The following WDR70 variants were observed in gnomAD, a reference collection of about 807,000 sequenced individuals.
WDR70 encodes the protein WD repeat-containing protein 70.
In WDR70, 53 loss-of-function variants were observed where a neutral mutation model predicts 88.6. The observed-to-expected ratio is 0.60, with a 90% CI of 0.48 to 0.75. WDR70 has a LOEUF of 0.75. Among genes scored for constraint, WDR70 ranks in the 30% least tolerant of loss-of-function variants. WDR70 has a pLI of 0.00. For synonymous variants in WDR70, 280 were observed against 270.0 expected, an observed-to-expected ratio of 1.04 and a Z score of -0.36; for missense variants, 610 against 823.2, an observed-to-expected ratio of 0.74 and a Z score of 3.17.
chr5:37,482,148 T>G (rs4618453), intron 8 of WDR70, among the ~76,000 whole-genome samples: 40,498 of 152,020 alleles, frequency 0.27, 5,894 homozygotes, highest in East Asian at 0.48. Context: ...CTTTCCCACA[T>G]TTTCCTATCC....
intron 9 of WDR70, among the ~76,000 whole-genome samples, chr5:37,557,957 A>ACTCTTTTGAAAACTCTTCAAAAGAGTAC: frequency 1.1e-3 from 150 of 139,296 alleles, no homozygotes; most frequent in African/African-American, 1.4e-3. Context: ...TCAAAAGAGT[A>ACTCTTTTGAAAACTCTTCAAAAGAGTAC]TTATGTATAT....
intron 7 of WDR70, among the ~76,000 whole-genome samples, chr5:37,461,122 A>G (rs113459808): frequency 6.7e-6 from 1 of 149,448 alleles, no homozygotes; most frequent in Non-Finnish European, 1.5e-5. Flanking sequence ...AAAAAAAAAA[A>G]AAATAAAGGG....
chr5:37,603,038 A>G (rs1359289655), intron 9 of WDR70, among the ~76,000 whole-genome samples: 2 of 152,212 alleles, frequency 1.3e-5, no homozygotes, highest in African/African-American at 4.8e-5. Flanking sequence ...TCCATGGATT[A>G]GAAAAATTAA....
intron 9 of WDR70, among the ~76,000 whole-genome samples, chr5:37,539,654 A>G (rs1444864248): frequency 1.3e-5 from 2 of 152,214 alleles, no homozygotes; most frequent in East Asian, 3.8e-4. Flanking sequence ...GCACACATGT[A>G]CAAACCTGTG....
chr5:37,752,681 G>C lies in WDR70; in HGVS notation c.*108G>C. 1 of 858,706 alleles carries C rather than the reference G, an allele frequency of 1.2e-6. No individual in the cohort carries two copies. The highest frequency in any genetic ancestry group is 1.8e-6 in the Non-Finnish European group (1 of 549,688). The allele number at this position is 858,706 out of a possible 1,614,324, so 53.2% of individuals were successfully genotyped here. ...AAATTCATTTTTATGAACAGGTTTT[G>C]TCCTTTGCATTATTGAACTGGTCAA... On this transcript the variant is annotated 3_prime_UTR_variant, in exon 18 of 18. Coordinates refer to ENST00000265107, the MANE Select transcript of WDR70 (RefSeq NM_018034.4).
At chr5:37,600,559 C>T (rs901535179) in intron 9 of WDR70, among the ~76,000 whole-genome samples, 1 of 145,618 alleles carries the variant, frequency 6.9e-6, no homozygotes, top group African/African-American at 2.5e-5. Context: ...ATCTAGAATT[C>T]AATAAAATGA....
At chr5:37,730,244 A>G (rs562588690) in intron 17 of WDR70, among the ~76,000 whole-genome samples, 2 of 152,290 alleles carry the variant, frequency 1.3e-5, no homozygotes, top group South Asian at 2.1e-4. Context: ...ACATTTTAGT[A>G]TGAAATTTAA....
At chr5:37,389,296 CGA>C (rs1748734638) in intron 3 of WDR70, among the ~76,000 whole-genome samples, 1 of 141,702 alleles carries the variant, frequency 7.1e-6, no homozygotes, top group African/African-American at 3.1e-5. Context: ...TTTCACCTGT[CGA>C]GACCAGGCTG....
intron 10 of WDR70, among the ~76,000 whole-genome samples, chr5:37,622,458 C>G (rs1431590463): frequency 3.3e-5 from 5 of 151,908 alleles, no homozygotes; most frequent in African/African-American, 9.7e-5. Context: ...TTTATTGCAG[C>G]ACTATTCACA....
intron 9 of WDR70, among the ~76,000 whole-genome samples, chr5:37,587,036 C>A (rs1000552400): frequency 6.6e-6 from 1 of 152,144 alleles, no homozygotes; most frequent in African/African-American, 2.4e-5. Flanking sequence ...GTTTTCTCCT[C>A]ACTTTCCCTG....
At chr5:37,606,912 C>A (rs1327089430) in intron 10 of WDR70, among the ~76,000 whole-genome samples, 2 of 74,782 alleles carry the variant, frequency 2.7e-5, no homozygotes, top group Non-Finnish European at 5.2e-5. Flanking sequence ...CCTCCCCTCC[C>A]CTCCCCTCCC....
chr5:37,622,540 C>T (rs891278437), intron 10 of WDR70, among the ~76,000 whole-genome samples: 3 of 152,160 alleles, frequency 2.0e-5, no homozygotes, highest in Non-Finnish European at 4.4e-5. Context: ...GGCACATATA[C>T]ACCATGGAAT....
At chr5:37,661,239 G>A (rs879462478) in intron 10 of WDR70, among the ~76,000 whole-genome samples, 2 of 152,242 alleles carry the variant, frequency 1.3e-5, no homozygotes, top group African/African-American at 4.8e-5. Flanking sequence ...ACATAGGAGG[G>A]TTTACTGCCC....
At chr5:37,445,474 T>C (rs923970148) in intron 7 of WDR70, among the ~76,000 whole-genome samples, 2 of 152,170 alleles carry the variant, frequency 1.3e-5, no homozygotes, top group Non-Finnish European at 2.9e-5. Flanking sequence ...AACTTTTCCA[T>C]TGATGTTCAT....
chr5:37,579,707 T>C (rs900453654), intron 9 of WDR70, among the ~76,000 whole-genome samples: 3 of 152,204 alleles, frequency 2.0e-5, no homozygotes, highest in Non-Finnish European at 4.4e-5. Context: ...TCTGTTCTGT[T>C]ATTGTGAATA....
At chr5:37,629,887 G>T (rs1318720957) in intron 10 of WDR70, among the ~76,000 whole-genome samples, 3 of 152,008 alleles carry the variant, frequency 2.0e-5, no homozygotes, top group Non-Finnish European at 2.9e-5. Context: ...GAATCTGGTG[G>T]TCGCCTCTTC....
At chr5:37,404,722 A>G (rs1249100258) in intron 5 of WDR70, among the ~76,000 whole-genome samples, 1 of 152,116 alleles carries the variant, frequency 6.6e-6, no homozygotes, top group Non-Finnish European at 1.5e-5. Flanking sequence ...AATTTAATTA[A>G]TTTATTTTTC....
At chr5:37,421,150 A>G (rs1749934063) in intron 5 of WDR70, among the ~76,000 whole-genome samples, 2 of 152,124 alleles carry the variant, frequency 1.3e-5, no homozygotes, top group Admixed American at 6.6e-5. Flanking sequence ...CGCAGTGGTA[A>G]ATGGCGGAGT....
At chr5:37,532,945 A>G (rs1375861239) in intron 9 of WDR70, among the ~76,000 whole-genome samples, 1 of 152,106 alleles carries the variant, frequency 6.6e-6, no homozygotes, top group African/African-American at 2.4e-5. Flanking sequence ...CTTCTGTCCC[A>G]TGGGGTGCTC....
Sources: gnomAD v4.1 joint callset for allele counts (sites outside exome capture counted in the v4.1 genomes callset) on GRCh38, gnomAD v4.1.1 for gene constraint, MANE v1.5 for transcripts, NCBI Gene and HGNC (gene_info 2026-07-23, HGNC 2026-07-21) for gene names.